The following ASB5 variants were observed in gnomAD, a reference collection of about 807,000 sequenced individuals.
ASB5 encodes the protein ankyrin repeat and SOCS box containing 5.
ASB5 carries 45 observed loss-of-function variants against 42.1 expected under a neutral mutation model. The ratio of observed to expected loss-of-function variants is 1.07; its 90% CI spans 0.84 to 1.37. ASB5 has a LOEUF of 1.37. Ranked by LOEUF, ASB5 falls within the 40% of genes most tolerant of loss-of-function variation. ASB5 has a pLI of 0.00. For missense variants in ASB5, 402 were observed against 399.8 expected (o/e 1.01, Z -0.05); for synonymous variants, 147 against 150.6 (o/e 0.98, Z 0.18).
chr4:176,239,847 CT>C (rs1753774004), intron 1 of ASB5, among the ~76,000 whole-genome samples: 1 of 152,092 alleles, frequency 6.6e-6, no homozygotes, highest in African/African-American at 2.4e-5. Flanking sequence ...ATACTTAATT[CT>C]TTTAAAAATT....
At chr4:176,227,974 A>G (rs1398283106) in intron 1 of ASB5, among the ~76,000 whole-genome samples, 1 of 152,186 alleles carries the variant, frequency 6.6e-6, no homozygotes, top group African/African-American at 2.4e-5. Context: ...ATTCTCGGCA[A>G]AAGTAGGCTG....
rs1752981253 is a variant in ASB5 at position 176,216,756 on chromosome 4, C to G, written c.862+62G>C. On this transcript the variant is annotated intron_variant, in intron 6 of 6. Coordinates refer to ENST00000296525, the MANE Select transcript of ASB5 (RefSeq NM_080874.4). Reference sequence around the variant, plus strand: ...TTCCATGCCAACAAAAACTCTCTCACTTTCATCTATTTTAGGCAAATATAT... The same window carrying G: ...TTCCATGCCAACAAAAACTCTCTCAGTTTCATCTATTTTAGGCAAATATAT... The G allele has an allele frequency of 5.1e-6, 7 of 1,380,700 alleles. 1 individual carries two copies. The highest frequency in any genetic ancestry group is 6.8e-6 in the Non-Finnish European group (7 of 1,022,064). The allele number at this position is 1,380,700 out of a possible 1,614,324, so 85.5% of individuals were successfully genotyped here. A position where few individuals can be genotyped will look rare whatever the true frequency, so the allele number is the denominator to read the frequency against.
intron 1 of ASB5, among the ~76,000 whole-genome samples, chr4:176,234,648 G>T (rs1260613748): frequency 6.6e-6 from 1 of 152,162 alleles, no homozygotes; most frequent in African/African-American, 2.4e-5. Context: ...ATGAATGAGT[G>T]CTCAAAGTCA....
chr4:176,222,422 T>C lies in ASB5; in HGVS notation c.277-2A>G. The C allele has an allele frequency of 6.2e-7, 1 of 1,607,908 alleles. No individual in the cohort carries two copies. The highest frequency in any genetic ancestry group is 8.5e-7 in the Non-Finnish European group (1 of 1,174,946). ...GGTTACTGCATTTACATTATAACCC[T>C]AAATGTGGCATAATTTTGAAAGGTG... On this transcript the variant is annotated splice_acceptor_variant, in intron 2 of 6. Coordinates refer to ENST00000296525, the MANE Select transcript of ASB5 (RefSeq NM_080874.4). LOFTEE classifies it high-confidence loss of function.
chr4:176,237,952 T>C (rs1753725963), intron 1 of ASB5, among the ~76,000 whole-genome samples: 2 of 152,188 alleles, frequency 1.3e-5, no homozygotes, highest in Non-Finnish European at 1.5e-5. Flanking sequence ...CTGGGCGTGG[T>C]GGCTCACGCC....
intron 1 of ASB5, among the ~76,000 whole-genome samples, chr4:176,262,839 A>G (rs138134210): frequency 3.3e-5 from 5 of 152,332 alleles, no homozygotes; most frequent in South Asian, 2.1e-4. Flanking sequence ...CAAAAGATAT[A>G]AGAATATTCC....
chr4:176,232,918 G>A (rs1031624031), intron 1 of ASB5, among the ~76,000 whole-genome samples: 1 of 152,082 alleles, frequency 6.6e-6, no homozygotes, highest in Non-Finnish European at 1.5e-5. Context: ...ACTGATCACT[G>A]GTGCCATGGA....
At chr4:176,243,744 T>A (rs1753856347) in intron 1 of ASB5, among the ~76,000 whole-genome samples, 1 of 152,294 alleles carries the variant, frequency 6.6e-6, no homozygotes, top group Middle Eastern at 3.4e-3. Flanking sequence ...GCTCAAGCAA[T>A]CTGCCTGCCT....
rs371622915 is a variant in ASB5, at chr4:176,269,086, C to T, written c.23G>A (p.Arg8Gln). 7 of 1,609,494 alleles carry T rather than the reference C, an allele frequency of 4.3e-6. No homozygotes were observed. Among genetic ancestry groups the T allele is most frequent in the Middle Eastern group, 1.7e-4 (1 of 6,040 alleles). The change falls in exon 1 of 7, where the codon CGG becomes CAG. Residue 8 changes from arginine (R) to glutamine (Q), a missense_variant. Coordinates refer to ENST00000296525, the MANE Select transcript of ASB5 (RefSeq NM_080874.4). ...ATTGGATAATTGTTGAGCAAACGGC[C>T]GATTTTCTTCTAACACCGACATTGC... MSVLEEN[R>Q]PFAQQLSNVY...
At chr4:176,273,248 C>T (rs928531377), upstream of ASB5, among the ~76,000 whole-genome samples, 1 of 152,142 alleles carries the variant, frequency 6.6e-6, no homozygotes, top group South Asian at 2.1e-4. Flanking sequence ...GCGACATGTT[C>T]CTAGCCCTAG....
chr4:176,273,906 G>T (rs968054126), upstream of ASB5, among the ~76,000 whole-genome samples: 11 of 152,152 alleles, frequency 7.2e-5, no homozygotes, highest in African/African-American at 2.4e-4. Flanking sequence ...TAGGAATTTG[G>T]TTTTTTGTTT....
rs376945841 is a variant in ASB5, at chr4:176,216,904, A to G, written c.776T>C (p.Ile259Thr). 3.1e-5 allele frequency: 50 copies of G among 1,613,970 alleles called. No homozygotes were observed. The highest frequency in any genetic ancestry group is 3.3e-4 in the Middle Eastern group (2 of 6,084). ...VNLLLEFGADINAKNTELLRP... is the reference protein window; with the variant it reads ...VNLLLEFGADTNAKNTELLRP... ...CAGAAGCTCTGTATTTTTGGCATTG[A>G]TATCTGCTCCAAATTCTAGCAGTAA... is the stretch of plus-strand genomic sequence containing the variant. The change falls in exon 6 of 7, where the codon ATC (isoleucine) becomes ACC (threonine). Residue 259 changes from isoleucine (I) to threonine (T), a missense_variant. Ile to Thr is a moderately conservative substitution (Grantham distance 89, BLOSUM62 -1). Transcript: ENST00000296525.
At chr4:176,230,076 T>C (rs1753489322) in intron 1 of ASB5, among the ~76,000 whole-genome samples, 2 of 152,160 alleles carry the variant, frequency 1.3e-5, no homozygotes, top group African/African-American at 4.8e-5. Context: ...CTCCCTGAGG[T>C]TTTGTTTCCT....
At chr4:176,271,845 A>G (rs1249661353), upstream of ASB5, among the ~76,000 whole-genome samples, 1 of 152,172 alleles carries the variant, frequency 6.6e-6, no homozygotes, top group Non-Finnish European at 1.5e-5. Flanking sequence ...AGTTCTAACT[A>G]AAATACATGC....
At chr4:176,216,538 A>G (rs1267937812) in intron 6 of ASB5, among the ~76,000 whole-genome samples, 2 of 152,220 alleles carry the variant, frequency 1.3e-5, no homozygotes, top group Admixed American at 1.3e-4. Flanking sequence ...TTTAGTAGAG[A>G]CAGGGTTTCA....
intron 1 of ASB5, among the ~76,000 whole-genome samples, chr4:176,240,161 G>A (rs1051729414): frequency 1.3e-5 from 2 of 152,144 alleles, no homozygotes; most frequent in African/African-American, 4.8e-5. Flanking sequence ...AAGTTTTAAA[G>A]AGAGCCAGTA....
chr4:176,239,184 C>G (rs1248795501), intron 1 of ASB5, among the ~76,000 whole-genome samples: 1 of 152,154 alleles, frequency 6.6e-6, no homozygotes, highest in Non-Finnish European at 1.5e-5. Context: ...TTACATGAAG[C>G]AATTGTCATT....
At chr4:176,252,993 A>T (rs1323040360) in intron 1 of ASB5, among the ~76,000 whole-genome samples, 1 of 152,224 alleles carries the variant, frequency 6.6e-6, no homozygotes, top group Non-Finnish European at 1.5e-5. Flanking sequence ...ATGTATTAGC[A>T]TTACATTAAA....
chr4:176,224,837 A>G (rs1407151800), intron 2 of ASB5, among the ~76,000 whole-genome samples: 1 of 152,270 alleles, frequency 6.6e-6, no homozygotes, highest in Admixed American at 6.5e-5. Flanking sequence ...GCAATTGCCC[A>G]TAGCATATTA....
Sources: gnomAD v4.1 joint callset for allele counts (sites outside exome capture counted in the v4.1 genomes callset) on GRCh38, gnomAD v4.1.1 for gene constraint, MANE v1.5 for transcripts, NCBI Gene and HGNC (gene_info 2026-07-23, HGNC 2026-07-21) for gene names.